SLIT3: variants seen among roughly 807,000 people sequenced by gnomAD.
SLIT3 encodes the protein slit homolog 3 protein.
SLIT3 carries 68 observed loss-of-function variants against 184.0 expected under a neutral mutation model. The observed-to-expected ratio is 0.37, with a 90% CI of 0.30 to 0.45. The LOEUF (loss-of-function observed/expected upper bound fraction) is 0.45, where lower values mean the gene tolerates loss of function less well. Among genes scored for constraint, SLIT3 ranks in the 20% least tolerant of loss-of-function variants. The probability of loss-of-function intolerance (pLI) is 1.00; values close to 1 mark genes in which losing one functional copy is unlikely to be tolerated. For missense variants in SLIT3, 1,707 were observed against 2,026.0 expected, an observed-to-expected ratio of 0.84 and a Z score of 3.02; for synonymous variants, 831 against 828.6, an observed-to-expected ratio of 1.00 and a Z score of -0.05.
intron 4 of SLIT3, among the ~76,000 whole-genome samples, chr5:168,883,543 A>G (rs1332463875): frequency 2.0e-5 from 3 of 152,202 alleles, no homozygotes; most frequent in Non-Finnish European, 2.9e-5. Flanking sequence ...TACCAGGCGG[A>G]GCAGCTCGCC....
chr5:168,792,124 C>G (rs1286743566), intron 10 of SLIT3: 1 of 152,248 alleles, frequency 6.6e-6, no homozygotes, highest in East Asian at 1.9e-4. Flanking sequence ...CTCCTATCAG[C>G]TCAAGGCCCC....
intron 4 of SLIT3, among the ~76,000 whole-genome samples, chr5:168,941,627 A>G (rs1762335464): frequency 6.6e-6 from 1 of 152,208 alleles, no homozygotes; most frequent in African/African-American, 2.4e-5. Flanking sequence ...CCAGTCTCTG[A>G]CTTGCCCTTT....
chr5:168,737,417 T>C (rs1232009593), intron 20 of SLIT3, among the ~76,000 whole-genome samples: 1 of 152,158 alleles, frequency 6.6e-6, no homozygotes, highest in Non-Finnish European at 1.5e-5. Flanking sequence ...TACCTCCTGG[T>C]TGAGCCCCAT....
At chr5:169,181,944 C>G (rs532603566) in intron 4 of SLIT3, among the ~76,000 whole-genome samples, 106 of 152,192 alleles carry the variant, frequency 7.0e-4, no homozygotes, top group African/African-American at 2.5e-3. Context: ...TCTGGAGAAA[C>G]GTTGGCATGA....
chr5:169,151,210 ATC>A (rs946176641), intron 4 of SLIT3, among the ~76,000 whole-genome samples: 26 of 152,182 alleles, frequency 1.7e-4, no homozygotes, highest in African/African-American at 5.3e-4. Flanking sequence ...TGCCTTGACC[ATC>A]TCTCTCTCAG....
At chr5:168,982,379 C>T (rs1754978789) in intron 4 of SLIT3, among the ~76,000 whole-genome samples, 1 of 152,180 alleles carries the variant, frequency 6.6e-6, no homozygotes, top group Non-Finnish European at 1.5e-5. Flanking sequence ...CCTGTGCCAC[C>T]TAAGGACCCT....
chr5:168,787,889 A>T (rs1479124293), intron 11 of SLIT3, among the ~76,000 whole-genome samples: 3 of 152,150 alleles, frequency 2.0e-5, no homozygotes, highest in Non-Finnish European at 4.4e-5. Flanking sequence ...CAGGCCAAGG[A>T]TCCTGTGTGT....
chr5:169,060,677 C>T (rs1039908278), intron 4 of SLIT3, among the ~76,000 whole-genome samples: 13 of 152,194 alleles, frequency 8.5e-5, no homozygotes, highest in Non-Finnish European at 1.9e-4. Context: ...AGGGTTAGCC[C>T]CTGCTCCTGG....
At position 168,741,246 on chromosome 5, in the gene SLIT3, G is replaced by A. The variant is rs1372112754; in HGVS notation, c.2270+7056C>T. ...AGCACTTTGGGAGGCCGAGGCGGGCGGATCACGAGGTCAGGAGATTGAGAC... is the reference window on the plus strand; with the variant it reads ...AGCACTTTGGGAGGCCGAGGCGGGCAGATCACGAGGTCAGGAGATTGAGAC... On this transcript the variant is annotated intron_variant, in intron 20 of 35. Transcript: ENST00000519560. Among the ~76,000 whole-genome samples the A allele has an allele frequency of 3.0e-4, 45 of 152,120 alleles. 2 individuals carry two copies. Among genetic ancestry groups the A allele is most frequent in the Admixed American group, 2.4e-3 (36 of 15,288 alleles).
At chr5:168,796,792 GGAACT>G in intron 9 of SLIT3, among the ~76,000 whole-genome samples, 1 of 152,210 alleles carries the variant, frequency 6.6e-6, no homozygotes, top group East Asian at 1.9e-4. Flanking sequence ...ATTTGTTACT[GGAACT>G]GCTAATGGAG....
At chr5:168,697,433 G>A (rs1762095886) in intron 27 of SLIT3, among the ~76,000 whole-genome samples, 2 of 152,188 alleles carry the variant, frequency 1.3e-5, no homozygotes, top group Admixed American at 1.3e-4. Flanking sequence ...GATGGGAGTC[G>A]GGGGTGGAGT....
At chr5:169,182,689 C>T (rs1452874946) in intron 4 of SLIT3, among the ~76,000 whole-genome samples, 2 of 152,184 alleles carry the variant, frequency 1.3e-5, no homozygotes, top group African/African-American at 4.8e-5. Context: ...ACATTTGCAT[C>T]TTTCAGACAA....
chr5:169,085,953 G>A (rs1020049135), intron 4 of SLIT3, among the ~76,000 whole-genome samples: 4 of 152,056 alleles, frequency 2.6e-5, no homozygotes, highest in Non-Finnish European at 4.4e-5. Context: ...AGCCTGCAGC[G>A]GCAAGAGTCA....
chr5:168,927,866 G>A (rs1187239210), intron 4 of SLIT3, among the ~76,000 whole-genome samples: 1 of 152,220 alleles, frequency 6.6e-6, no homozygotes, highest in African/African-American at 2.4e-5. Flanking sequence ...TGATGAATTG[G>A]ATAACTGAGA....
chr5:168,684,121 T>A (rs750639209), intron 31 of SLIT3, 25 bp from the exon 32 acceptor site: 1 of 1,555,740 alleles, frequency 6.4e-7, no homozygotes, highest in South Asian at 1.2e-5. Context: ...CGGGGCGTGT[T>A]AGTAAGGGCT....
intron 8 of SLIT3, among the ~76,000 whole-genome samples, chr5:168,816,137 G>A (rs1757328111): frequency 6.6e-6 from 1 of 152,160 alleles, no homozygotes; most frequent in African/African-American, 2.4e-5. Flanking sequence ...AATGGAAGGT[G>A]CCAATGCAAA....
chr5:168,939,114 G>A (rs1762253313), intron 4 of SLIT3, among the ~76,000 whole-genome samples: 1 of 152,162 alleles, frequency 6.6e-6, no homozygotes, highest in Admixed American at 6.5e-5. Flanking sequence ...CGAGGAACCG[G>A]AAACACAGAC....
At chr5:169,223,575 C>T (rs992870944) in intron 3 of SLIT3, among the ~76,000 whole-genome samples, 1 of 152,158 alleles carries the variant, frequency 6.6e-6, no homozygotes, top group South Asian at 2.1e-4. Flanking sequence ...CCTGGGTGAT[C>T]TGAGGGTCAG....
chr5:168,957,844 T>G (rs1018813004), intron 4 of SLIT3, among the ~76,000 whole-genome samples: 1 of 152,196 alleles, frequency 6.6e-6, no homozygotes, highest in Admixed American at 6.6e-5. Context: ...CATGACCTTA[T>G]CCAAGTCACT....
Sources: gnomAD v4.1 joint callset for allele counts (sites outside exome capture counted in the v4.1 genomes callset) on GRCh38, gnomAD v4.1.1 for gene constraint, MANE v1.5 for transcripts, NCBI Gene and HGNC (gene_info 2026-07-23, HGNC 2026-07-21) for gene names.